Variants in USP15 observed in about 807,000 individuals in gnomAD.
USP15 encodes ubiquitin specific peptidase 15.
Under a neutral mutation model 127.1 loss-of-function variants are expected in USP15, and 18 were observed. The ratio of observed to expected loss-of-function variants is 0.14; its 90% CI spans 0.10 to 0.21. The LOEUF (loss-of-function observed/expected upper bound fraction) is 0.21, where lower values mean the gene tolerates loss of function less well. USP15 is among the 10% of genes least tolerant of loss of function. The pLI, the probability that USP15 is intolerant of heterozygous loss-of-function variation, is 1.00. For missense variants in USP15, 805 were observed against 1,159.9 expected, an observed-to-expected ratio of 0.69 and a Z score of 4.44; for synonymous variants, 364 against 393.7, an observed-to-expected ratio of 0.92 and a Z score of 0.89.
In USP15 at chr12:62,357,582, G is replaced by T. The variant is rs560793949; in HGVS notation, c.915+2107G>T. On this transcript the variant is annotated intron_variant, in intron 8 of 21. Coordinates refer to ENST00000280377, the MANE Select transcript of USP15 (RefSeq NM_001252078.2). ...ATAAAATTTTTTGACAAAAATTTTAGCAGTGAGTATTTTAAGCAGTGGATA... is the reference window on the plus strand; with the variant it reads ...ATAAAATTTTTTGACAAAAATTTTATCAGTGAGTATTTTAAGCAGTGGATA... 3.3e-5 allele frequency among the ~76,000 whole-genome samples: 5 copies of T among 152,110 alleles called. No individual in the cohort carries two copies. In the South Asian group the frequency reaches 1.0e-3, roughly 32 times the overall value.
rs146648852 is a variant in USP15, at chr12:62,385,379, C to T, written c.1473+1077C>T. 3.4e-4 allele frequency among the ~76,000 whole-genome samples: 51 copies of T among 151,972 alleles called. 1 individual carries two copies. Among genetic ancestry groups the T allele is most frequent in the African/African-American group, 1.2e-3 (50 of 41,538 alleles). ...ATATTTGAACAAAATTATGATCTTA[C>T]CATTCAGGGATGTATTTGGGTTTAT... is the stretch of plus-strand genomic sequence containing the variant. On this transcript the variant is annotated intron_variant, in intron 11 of 21. Transcript: ENST00000280377.
At chr12:62,289,556 T>C (rs2063892431) in intron 1 of USP15, among the ~76,000 whole-genome samples, 1 of 152,176 alleles carries the variant, frequency 6.6e-6, no homozygotes, top group Non-Finnish European at 1.5e-5. Context: ...AACTAACTTT[T>C]CATTTCATTG....
At chr12:62,328,572 AG>A (rs1302028138) in intron 6 of USP15, among the ~76,000 whole-genome samples, 1 of 152,240 alleles carries the variant, frequency 6.6e-6, no homozygotes, top group East Asian at 1.9e-4. Flanking sequence ...AGAAAATAAA[AG>A]ATTGTTATGT....
chr12:62,260,438 T>A lies in USP15; in HGVS notation c.24T>A (p.Asp8Glu), dbSNP rs755548885. Residue 8 changes from aspartate (D) to glutamate (E), a missense_variant, in exon 1 of 22, where the codon GAT becomes GAA. Transcript: ENST00000280377. MAEGGAA[D>E]LDTQRSDIAT... is the part of the protein sequence containing the mutation. ...AGATGGCGGAAGGCGGAGCGGCGGATCTGGACACCCAGCGGTCTGACATCG... is the reference window on the plus strand; with the variant it reads ...AGATGGCGGAAGGCGGAGCGGCGGAACTGGACACCCAGCGGTCTGACATCG... The A allele has an allele frequency of 6.4e-7, 1 of 1,551,754 alleles. No homozygotes were observed. Among genetic ancestry groups the A allele is most frequent in the South Asian group, 1.2e-5 (1 of 84,072 alleles).
At chr12:62,401,077 A>G (rs1347327680) in intron 20 of USP15, 110 bp from the exon 21 acceptor site, 2 of 564,578 alleles carry the variant, frequency 3.5e-6, no homozygotes, top group Admixed American at 3.8e-5. Flanking sequence ...AGCCTCATAG[A>G]TGATTATCAG....
rs1431217662 is a variant in USP15, at chr12:62,407,325, T to C, written c.*2950T>C. 1 of 152,216 alleles carries C rather than the reference T, an allele frequency of 6.6e-6. No individual in the cohort carries two copies. Among genetic ancestry groups the C allele is most frequent in the Non-Finnish European group, 1.5e-5 (1 of 68,038 alleles). The allele number at this position is 152,216 out of a possible 1,614,324, so 9.4% of individuals were successfully genotyped here. A position where few individuals can be genotyped will look rare whatever the true frequency, so the allele number is the denominator to read the frequency against. On this transcript the variant is annotated 3_prime_UTR_variant, in exon 22 of 22. Transcript: ENST00000280377. ...AGAGCCAATATTCTATCCTCAGATA[T>C]ATACTACCTCTCACTGTGTTATAGT...
intron 2 of USP15, among the ~76,000 whole-genome samples, chr12:62,299,739 T>TAA (rs949638884): frequency 6.6e-6 from 1 of 152,210 alleles, no homozygotes; most frequent in Admixed American, 6.5e-5. Context: ...TAGGAACTCT[T>TAA]AGACTGTTTT....
rs146243672 is a variant in USP15 at position 62,410,388 on chromosome 12, A to G, written c.*6013A>G. The stretch of plus-strand genomic sequence containing the variant: ...TTATTTTAAAAAACAAAAAAAAAGT[A>G]AAGATGGGAAAATTACTTATAGTAT... On this transcript the variant is annotated 3_prime_UTR_variant, in exon 22 of 22. Transcript: ENST00000280377. 2.5e-3 allele frequency: 382 copies of G among 152,258 alleles called. 3 individuals are homozygous for G. Among genetic ancestry groups the G allele is most frequent in the African/African-American group, 8.8e-3 (365 of 41,564 alleles). The allele number at this position is 152,258 out of a possible 1,614,324, so 9.4% of individuals were successfully genotyped here.
chr12:62,319,998 G>A (rs924133825), intron 4 of USP15, among the ~76,000 whole-genome samples: 4 of 151,960 alleles, frequency 2.6e-5, no homozygotes, highest in African/African-American at 7.3e-5. Flanking sequence ...ATTTACATGG[G>A]TGTGTCCACT....
rs2063195806 is a variant in USP15 at position 62,266,502 on chromosome 12, A to G, written c.89+5999A>G. 2.0e-5 allele frequency among the ~76,000 whole-genome samples: 3 copies of G among 152,170 alleles called. No homozygotes were observed. In the South Asian group the frequency reaches 6.2e-4, roughly 32 times the overall value. On this transcript the variant is annotated intron_variant, in intron 1 of 21. Coordinates refer to ENST00000280377, the MANE Select transcript of USP15 (RefSeq NM_001252078.2). ...TAAGATAGTGGAAGATACAATGATAATAAAACAGTCAATTTTGCTATCTTA... is the reference window on the plus strand; with the variant it reads ...TAAGATAGTGGAAGATACAATGATAGTAAAACAGTCAATTTTGCTATCTTA...
intron 11 of USP15, among the ~76,000 whole-genome samples, chr12:62,386,696 A>G (rs2067159101): frequency 6.6e-6 from 1 of 152,158 alleles, no homozygotes. Context: ...AAGAACTTTG[A>G]TGCCAGTATA....
chr12:62,267,191 G>T (rs1047667219), intron 1 of USP15: 1 of 151,838 alleles, frequency 6.6e-6, no homozygotes, highest in Non-Finnish European at 1.5e-5. Flanking sequence ...TTCACATTCT[G>T]TGTCTCATAT....
chr12:62,401,096 G>A, intron 20 of USP15, 91 bp from the exon 21 acceptor site: 1 of 746,436 alleles, frequency 1.3e-6, no homozygotes, highest in South Asian at 1.8e-5. Flanking sequence ...AGTGTTAATA[G>A]ATATTCCTTA....
chr12:62,263,993 GA>G (rs545579300), intron 1 of USP15, among the ~76,000 whole-genome samples: 95 of 152,012 alleles, frequency 6.2e-4, no homozygotes, highest in African/African-American at 2.2e-3. Flanking sequence ...ACTCTCTTTG[GA>G]AAAAAAGTTT....
chr12:62,327,466 C>G (rs1454174236), intron 6 of USP15, among the ~76,000 whole-genome samples: 1 of 152,024 alleles, frequency 6.6e-6, no homozygotes, highest in African/African-American at 2.4e-5. Context: ...AGCAGAACCA[C>G]TGTTGTTTCC....
At chr12:62,295,543 A>G (rs1033155756) in intron 2 of USP15, among the ~76,000 whole-genome samples, 7 of 152,232 alleles carry the variant, frequency 4.6e-5, no homozygotes, top group African/African-American at 9.6e-5. Flanking sequence ...AATATGATCA[A>G]TAATGACAAG....
Position 62,328,402 on chromosome 12 carries a change from C to T in USP15, c.683+2469C>T, listed in dbSNP as rs1361957788. 5 of 357,246 alleles carry T rather than the reference C, an allele frequency of 1.4e-5. No individual in the cohort carries two copies. The Admixed American group carries it at 1.4e-4, about 10-fold the overall frequency. 22.1% of individuals were successfully genotyped at this position (357,246 alleles called of 1,614,324 possible). A position where few individuals can be genotyped will look rare whatever the true frequency, so the allele number is the denominator to read the frequency against. ...AATGCCTGTGTTCCAATAAAGCTTTCTTTGTAAGTAGATGGCAAGCTTGGA... is the reference window on the plus strand; with the variant it reads ...AATGCCTGTGTTCCAATAAAGCTTTTTTTGTAAGTAGATGGCAAGCTTGGA... On this transcript the variant is annotated intron_variant, in intron 6 of 21. Coordinates refer to ENST00000280377, the MANE Select transcript of USP15 (RefSeq NM_001252078.2).
chr12:62,320,277 G>A (rs758820473), intron 4 of USP15, among the ~76,000 whole-genome samples: 12 of 152,040 alleles, frequency 7.9e-5, no homozygotes, highest in African/African-American at 1.2e-4. Context: ...CATGAGATAC[G>A]GTTGTTTGTG....
chr12:62,335,212 A>C, intron 6 of USP15: 1 of 1,535,526 alleles, frequency 6.5e-7, no homozygotes, highest in Non-Finnish European at 8.7e-7. Context: ...ATTTCCACAT[A>C]CGTCACAGAA....
Sources: allele counts gnomAD v4.1 joint callset (sites outside exome capture counted in the v4.1 genomes callset), GRCh38; gene constraint gnomAD v4.1.1; transcripts MANE v1.5; gene names NCBI Gene and HGNC (gene_info 2026-07-23, HGNC 2026-07-21).